The following SPATA16 variants were observed in gnomAD, a reference collection of about 807,000 sequenced individuals.
SPATA16 encodes the protein spermatogenesis-associated protein 16.
In SPATA16, 36 loss-of-function variants were observed where a neutral mutation model predicts 63.3. That is an observed-to-expected ratio of 0.57 (90% confidence interval 0.44 to 0.75). The LOEUF (loss-of-function observed/expected upper bound fraction) is 0.75, where lower values mean the gene tolerates loss of function less well. Ranked by LOEUF, SPATA16 falls within the 30% of genes least tolerant of loss-of-function variation. SPATA16 has a pLI of 0.00. For synonymous variants in SPATA16, 203 were observed against 216.7 expected (o/e 0.94, Z 0.56); for missense variants, 646 against 679.3 (o/e 0.95, Z 0.54).
At chr3:172,986,910 T>C (rs1734472365) in intron 4 of SPATA16, among the ~76,000 whole-genome samples, 2 of 151,798 alleles carry the variant, frequency 1.3e-5, no homozygotes, top group South Asian at 2.1e-4. Flanking sequence ...TATAAGAAAA[T>C]AGGAAATTGA....
chr3:172,975,072 TAGTC>T (rs1259694949), intron 5 of SPATA16, among the ~76,000 whole-genome samples: 1 of 152,156 alleles, frequency 6.6e-6, no homozygotes, highest in Non-Finnish European at 1.5e-5. Context: ...ATTATTTTCT[TAGTC>T]TGAGGTAAAT....
chr3:173,132,105 A>G (rs1399805497), intron 1 of SPATA16, among the ~76,000 whole-genome samples: 1 of 152,198 alleles, frequency 6.6e-6, no homozygotes, highest in Non-Finnish European at 1.5e-5. Flanking sequence ...GAACTTTACC[A>G]GAGTTCTTTA....
intron 10 of SPATA16, among the ~76,000 whole-genome samples, chr3:172,904,401 GC>G (rs569329517): frequency 6.6e-6 from 1 of 152,138 alleles, no homozygotes; most frequent in Non-Finnish European, 1.5e-5. Flanking sequence ...AGCTTTGTCT[GC>G]CCCTTGATAA....
chr3:173,007,360 C>T (rs774714545), intron 4 of SPATA16, among the ~76,000 whole-genome samples: 9 of 152,026 alleles, frequency 5.9e-5, no homozygotes, highest in Non-Finnish European at 8.8e-5. Flanking sequence ...ATGATAAGAG[C>T]GGCAGGCAGC....
At chr3:173,024,824 A>G (rs1020043976) in intron 3 of SPATA16, among the ~76,000 whole-genome samples, 2 of 150,558 alleles carry the variant, frequency 1.3e-5, no homozygotes, top group African/African-American at 4.8e-5. Flanking sequence ...TCTGAAATTT[A>G]TTTTTATTAT....
At chr3:172,977,464 A>T (rs560512371) in intron 4 of SPATA16, among the ~76,000 whole-genome samples, 4 of 152,166 alleles carry the variant, frequency 2.6e-5, no homozygotes, top group Non-Finnish European at 5.9e-5. Context: ...GTATTTAAGC[A>T]TATCTCAGAC....
chr3:173,092,452 T>G (rs2108320182), intron 2 of SPATA16, among the ~76,000 whole-genome samples: 1 of 152,320 alleles, frequency 6.6e-6, no homozygotes, highest in Non-Finnish European at 1.5e-5. Flanking sequence ...GAATTAAGGT[T>G]GTTAATCAGA....
chr3:173,092,546 C>A (rs1737249621), intron 2 of SPATA16, among the ~76,000 whole-genome samples: 1 of 152,100 alleles, frequency 6.6e-6, no homozygotes, highest in Admixed American at 6.6e-5. Flanking sequence ...ACAGAAGAGT[C>A]AGTGTCAAAC....
chr3:172,922,318 C>G (rs537316305), intron 8 of SPATA16, among the ~76,000 whole-genome samples: 3 of 152,240 alleles, frequency 2.0e-5, no homozygotes, highest in African/African-American at 4.8e-5. Context: ...TGATGAAATT[C>G]CTTGCAGACA....
intron 2 of SPATA16, among the ~76,000 whole-genome samples, chr3:173,102,591 T>C (rs1737523018): frequency 6.6e-6 from 1 of 152,108 alleles, no homozygotes; most frequent in Admixed American, 6.5e-5. Flanking sequence ...CACTCACTAT[T>C]GTGTGGACAG....
chr3:172,913,018 G>T (rs747061175), intron 10 of SPATA16, among the ~76,000 whole-genome samples: 6 of 152,182 alleles, frequency 3.9e-5, no homozygotes, highest in Non-Finnish European at 5.9e-5. Flanking sequence ...TACAGTGATG[G>T]GAGGAAGATG....
chr3:173,112,007 A>G (rs1362470314), intron 2 of SPATA16, among the ~76,000 whole-genome samples: 1 of 152,186 alleles, frequency 6.6e-6, no homozygotes, highest in African/African-American at 2.4e-5. Flanking sequence ...GTTTCTTTTT[A>G]TCTTTCCTTC....
chr3:173,042,463 C>T (rs1735865331), intron 3 of SPATA16, among the ~76,000 whole-genome samples: 1 of 152,070 alleles, frequency 6.6e-6, no homozygotes, highest in Admixed American at 6.6e-5. Context: ...CTGACCTCAG[C>T]GATCCACCCC....
chr3:173,025,588 C>A (rs1354820376), intron 3 of SPATA16, among the ~76,000 whole-genome samples: 1 of 151,802 alleles, frequency 6.6e-6, no homozygotes, highest in Non-Finnish European at 1.5e-5. Context: ...CTAAACAGTT[C>A]TCTCATTTTC....
intron 10 of SPATA16, among the ~76,000 whole-genome samples, chr3:172,908,075 G>C (rs1732282215): frequency 6.6e-6 from 1 of 152,128 alleles, no homozygotes; most frequent in Admixed American, 6.5e-5. Context: ...GACATTATGA[G>C]GGCACTGCTT....
chr3:173,113,712 T>G (rs2108333707), intron 2 of SPATA16, among the ~76,000 whole-genome samples: 1 of 152,348 alleles, frequency 6.6e-6, no homozygotes, highest in East Asian at 1.9e-4. Flanking sequence ...ACATTCCTAA[T>G]GGGTTTATTA....
intron 6 of SPATA16, among the ~76,000 whole-genome samples, chr3:172,944,823 G>T (rs141680452): frequency 9.4e-4 from 143 of 152,234 alleles, no homozygotes; most frequent in African/African-American, 3.3e-3. Context: ...AGGGGATCTG[G>T]GGGGAGAAGA....
chr3:172,950,487 G>T (rs1733405018), intron 6 of SPATA16, among the ~76,000 whole-genome samples: 1 of 152,104 alleles, frequency 6.6e-6, no homozygotes, highest in Non-Finnish European at 1.5e-5. Context: ...CATAAATATT[G>T]GGGCTGAAGA....
At chr3:173,108,441 G>A (rs1737670771) in intron 2 of SPATA16, among the ~76,000 whole-genome samples, 1 of 152,116 alleles carries the variant, frequency 6.6e-6, no homozygotes, top group African/African-American at 2.4e-5. Context: ...GATTTTAAAA[G>A]AGAAGGAAGT....
Sources: gnomAD v4.1 joint callset for allele counts (sites outside exome capture counted in the v4.1 genomes callset) on GRCh38, gnomAD v4.1.1 for gene constraint, MANE v1.5 for transcripts, NCBI Gene and HGNC (gene_info 2026-07-23, HGNC 2026-07-21) for gene names.